The following ZNF354C variants were observed in gnomAD, a reference collection of about 807,000 sequenced individuals.
The protein encoded by ZNF354C is zinc finger protein 354C.
ZNF354C carries 7 observed loss-of-function variants against 12.4 expected under a neutral mutation model. That is an observed-to-expected ratio of 0.56 (90% CI 0.32 to 1.06). ZNF354C has a LOEUF of 1.06. Among genes scored for constraint, ZNF354C ranks in the 50% least tolerant of loss-of-function variants. ZNF354C has a pLI of 0.04. For synonymous variants in ZNF354C, 202 were observed against 224.5 expected (o/e 0.90, Z 0.90); for missense variants, 609 against 658.0 (o/e 0.93, Z 0.81).
At position 179,079,837 on chromosome 5, in the gene ZNF354C, C is replaced by G; in HGVS notation, c.1405C>G (p.Gln469Glu). The G allele has an allele frequency of 6.2e-7, 1 of 1,614,014 alleles. No individual in the cohort carries two copies. Among genetic ancestry groups the G allele is most frequent in the Non-Finnish European group, 8.5e-7 (1 of 1,179,986 alleles). ...QRIHTGEKPY[Q>E]CNQCGKAFSQ... ...AATTCATACTGGAGAGAAACCGTAT[C>G]AGTGTAATCAGTGTGGAAAGGCCTT... The change falls in exon 5 of 5, where the codon CAG becomes GAG. Residue 469 changes from glutamine (Q) to glutamate (E), a missense_variant. By Grantham distance (29) the Gln-to-Glu change is conservative (BLOSUM62 2). Coordinates refer to ENST00000315475, the MANE Select transcript of ZNF354C (RefSeq NM_014594.3). This position sits in a 1 kb window ranked among gnomAD's most constrained non-coding sequence, Gnocchi z 4.2.
At chr5:179,075,052 A>G (rs1440620167) in intron 2 of ZNF354C, among the ~76,000 whole-genome samples, 1 of 151,662 alleles carries the variant, frequency 6.6e-6, no homozygotes, top group Non-Finnish European at 1.5e-5. Context: ...TGAGGTCAAG[A>G]GATCAGACCA....
At chr5:179,066,297 T>C (rs545245926) in intron 2 of ZNF354C, among the ~76,000 whole-genome samples, 50 of 152,370 alleles carry the variant, frequency 3.3e-4, no homozygotes, top group African/African-American at 1.2e-3. Context: ...AGTATTCCCC[T>C]CTTCCTTACG....
intron 4 of ZNF354C, 62 bp downstream of exon 4, chr5:179,077,228 G>A: frequency 7.5e-7 from 1 of 1,339,314 alleles, no homozygotes. Context: ...GTCACAAAGA[G>A]GCAGTTCTTG....
chr5:179,064,229 T>G (rs2113106528), intron 2 of ZNF354C, among the ~76,000 whole-genome samples: 1 of 152,138 alleles, frequency 6.6e-6, no homozygotes, highest in South Asian at 2.1e-4. Context: ...CTTTTGTGGG[T>G]TTTTGTTGTT....
rs879070878 is a variant in ZNF354C at position 179,082,910 on chromosome 5, G to A, written c.*2813G>A. 1.7e-4 allele frequency: 167 copies of A among 980,458 alleles called. 3 individuals are homozygous for A. In the South Asian group the frequency reaches 1.9e-3, roughly 11 times the overall value. 60.7% of individuals were successfully genotyped at this position (980,458 alleles called of 1,614,324 possible). On this transcript the variant is annotated 3_prime_UTR_variant, in exon 5 of 5. Transcript: ENST00000315475. ...TGCCAGTGCGCTGATGAAGAATCACGGAGAACTCCACCTCATCTCCTGCCT... is the reference window on the plus strand; with the variant it reads ...TGCCAGTGCGCTGATGAAGAATCACAGAGAACTCCACCTCATCTCCTGCCT...
rs1364297365 is a variant in ZNF354C, at chr5:179,060,528, C to CGGA, written c.-192_-191insGAG. The CGGA allele has an allele frequency of 6.6e-6, 1 of 152,266 alleles. No individual in the cohort carries two copies. The highest frequency in any genetic ancestry group is 1.9e-4 in the East Asian group (1 of 5,180). 9.4% of individuals were successfully genotyped at this position (152,266 alleles called of 1,614,324 possible). ...CCGGGGTGGATCCGGGCCTCTCCAGCGAGTGGGCGGCGTGCAGCCTCGTCT... is the reference window on the plus strand; with the variant it reads ...CCGGGGTGGATCCGGGCCTCTCCAGCGGAGAGTGGGCGGCGTGCAGCCTCGTCT... On this transcript the variant is annotated 5_prime_UTR_variant, in exon 1 of 5. Coordinates refer to ENST00000315475, the MANE Select transcript of ZNF354C (RefSeq NM_014594.3). The surrounding 1 kb of genome is among the most constrained non-coding windows in gnomAD (Gnocchi z 4.2).
chr5:179,080,219 A>C lies in ZNF354C; in HGVS notation c.*122A>C, dbSNP rs1026921120. 7.4e-6 allele frequency: 5 copies of C among 673,710 alleles called. No homozygotes were observed. The highest frequency in any genetic ancestry group is 7.4e-5 in the African/African-American group (4 of 54,404). 41.7% of individuals were successfully genotyped at this position (673,710 alleles called of 1,614,324 possible). A position where few individuals can be genotyped will look rare whatever the true frequency, so the allele number is the denominator to read the frequency against. On this transcript the variant is annotated 3_prime_UTR_variant, in exon 5 of 5. Coordinates refer to ENST00000315475, the MANE Select transcript of ZNF354C (RefSeq NM_014594.3). ...GAAGGAAATATGTTAGTTGCCACTA[A>C]GTCATGATAAAATTGATCAGTGAGA...
chr5:179,060,649 G>A lies in ZNF354C; in HGVS notation c.-72G>A, dbSNP rs578156968. On this transcript the variant is annotated 5_prime_UTR_variant, in exon 1 of 5. Transcript: ENST00000315475. This position sits in a 1 kb window ranked among gnomAD's most constrained non-coding sequence, Gnocchi z 4.2. ...GGCCTGGACTGCCGGAGACCCGCGG[G>A]AGGGAGCGCCTCGCCAGGTGAGCTG... 45 of 152,550 alleles carry A rather than the reference G, an allele frequency of 2.9e-4. No individual in the cohort carries two copies. In the East Asian group the frequency reaches 8.3e-3, roughly 28 times the overall value. 9.4% of individuals were successfully genotyped at this position (152,550 alleles called of 1,614,324 possible). A position where few individuals can be genotyped will look rare whatever the true frequency, so the allele number is the denominator to read the frequency against.
chr5:179,074,545 C>A (rs1561750111), intron 2 of ZNF354C, among the ~76,000 whole-genome samples: 1 of 152,086 alleles, frequency 6.6e-6, no homozygotes, highest in Non-Finnish European at 1.5e-5. Flanking sequence ...ATAAAAAGGC[C>A]CCTGCTGAGA....
At chr5:179,065,031 A>G (rs1320571783) in intron 2 of ZNF354C, among the ~76,000 whole-genome samples, 3 of 152,200 alleles carry the variant, frequency 2.0e-5, no homozygotes, top group Non-Finnish European at 4.4e-5. Context: ...GCAGTAAATA[A>G]GTACTTTTTT....
At chr5:179,078,652 A>G (rs762886070) in intron 4 of ZNF354C, 31 bp from the exon 5 acceptor site, 2 of 1,537,094 alleles carry the variant, frequency 1.3e-6, no homozygotes, top group East Asian at 2.3e-5. Flanking sequence ...CTTCCAGCAG[A>G]GGAGGCATTA....
At chr5:179,063,075 C>G (rs1175143661) in intron 2 of ZNF354C, among the ~76,000 whole-genome samples, 1 of 152,150 alleles carries the variant, frequency 6.6e-6, no homozygotes, top group Non-Finnish European at 1.5e-5. Context: ...TACTCCAAAG[C>G]CTATTCTTCA....
intron 4 of ZNF354C, among the ~76,000 whole-genome samples, chr5:179,078,453 G>A (rs534380628): frequency 2.0e-5 from 3 of 152,220 alleles, no homozygotes; most frequent in South Asian, 2.1e-4. Context: ...AGGTGGAATC[G>A]CTTCATTTTC....
chr5:179,082,894 G>T lies in ZNF354C; in HGVS notation c.*2797G>T. On this transcript the variant is annotated 3_prime_UTR_variant, in exon 5 of 5. Coordinates refer to ENST00000315475, the MANE Select transcript of ZNF354C (RefSeq NM_014594.3). ...TTCCAGGCACTGCACTTGCCAGTGC[G>T]CTGATGAAGAATCACGGAGAACTCC... 9.8e-7 allele frequency: 1 copy of T among 1,022,186 alleles called. No individual in the cohort carries two copies. Among genetic ancestry groups the T allele is most frequent in the Non-Finnish European group, 1.6e-6 (1 of 644,534 alleles). The allele number at this position is 1,022,186 out of a possible 1,614,324, so 63.3% of individuals were successfully genotyped here.
At chr5:179,072,673 G>A (rs1435923518) in intron 2 of ZNF354C, among the ~76,000 whole-genome samples, 2 of 152,108 alleles carry the variant, frequency 1.3e-5, no homozygotes, top group Non-Finnish European at 1.5e-5. Flanking sequence ...AAGAATGCAA[G>A]CCACATACCT....
intron 2 of ZNF354C, among the ~76,000 whole-genome samples, chr5:179,067,193 C>T (rs1435336801): frequency 6.6e-6 from 1 of 152,116 alleles, no homozygotes; most frequent in African/African-American, 2.4e-5. Flanking sequence ...GCTATAGAAT[C>T]GTTTGAAGCC....
intron 2 of ZNF354C, among the ~76,000 whole-genome samples, chr5:179,068,668 C>T (rs1217423172): frequency 4.8e-5 from 7 of 146,462 alleles, no homozygotes; most frequent in Non-Finnish European, 1.0e-4. Flanking sequence ...CCTAGGGGAA[C>T]GGGATTGGTG....
chr5:179,072,228 G>C (rs1250425206), intron 2 of ZNF354C, among the ~76,000 whole-genome samples: 23 of 151,914 alleles, frequency 1.5e-4, no homozygotes, highest in Admixed American at 1.5e-3. Context: ...GAGAAATAGA[G>C]ATTGTGAAAA....
At chr5:179,077,392 T>C (rs1315489846) in intron 4 of ZNF354C, among the ~76,000 whole-genome samples, 2 of 152,260 alleles carry the variant, frequency 1.3e-5, no homozygotes, top group Non-Finnish European at 2.9e-5. Flanking sequence ...AATCAGGTTT[T>C]AACAGAGAGT....
Sources: gnomAD v4.1 joint callset for allele counts (sites outside exome capture counted in the v4.1 genomes callset) on GRCh38, gnomAD v4.1.1 for gene constraint, Gnocchi (gnomAD v3.1) non-coding constraint, MANE v1.5 for transcripts, NCBI Gene and HGNC (gene_info 2026-07-23, HGNC 2026-07-21) for gene names.